Variants in ZFP90 observed in about 807,000 individuals in gnomAD.
The protein encoded by ZFP90 is ZFP90 zinc finger protein, also known as zinc finger protein 90 homolog.
ZFP90 carries 38 observed loss-of-function variants against 60.8 expected under a neutral mutation model. The ratio of observed to expected loss-of-function variants is 0.62; its 90% CI spans 0.48 to 0.82. The LOEUF is 0.82. ZFP90 is among the 40% of genes least tolerant of loss of function. The pLI is 0.00. For missense variants in ZFP90, 711 were observed against 759.1 expected, an observed-to-expected ratio of 0.94 and a Z score of 0.74; for synonymous variants, 287 against 264.8, an observed-to-expected ratio of 1.08 and a Z score of -0.82.
Position 68,564,703 on chromosome 16 carries a change from C to T in ZFP90, c.*5C>T, listed in dbSNP as rs758508434. On this transcript the variant is annotated 3_prime_UTR_variant, in exon 5 of 5. Transcript: ENST00000563169. ...CATACTCGAAATAAACTCTAGGAAC[C>T]GTGAAATTAAGGAATTTGCAGAATG... 1.5e-5 allele frequency: 23 copies of T among 1,584,654 alleles called. No homozygotes were observed. The highest frequency in any genetic ancestry group is 4.1e-5 in the African/African-American group (3 of 73,256).
At chr16:68,556,259 A>G (rs2091342846) in intron 2 of ZFP90, among the ~76,000 whole-genome samples, 1 of 152,188 alleles carries the variant, frequency 6.6e-6, no homozygotes, top group South Asian at 2.1e-4. Flanking sequence ...GATTCTAGAC[A>G]ATCAGCTCTC....
Position 68,563,457 on chromosome 16 carries a change from T to C in ZFP90, c.670T>C (p.Ser224Pro). 7 of 1,614,156 alleles carry C rather than the reference T, an allele frequency of 4.3e-6. No individual in the cohort carries two copies. The highest frequency in any genetic ancestry group is 5.9e-6 in the Non-Finnish European group (7 of 1,180,030). ...DKCRKAFIHRSSLTKHEKTHK... is the reference protein window; with the variant it reads ...DKCRKAFIHRPSLTKHEKTHK... ...ATGTAGAAAAGCCTTTATTCATAGATCATCGCTTACTAAACATGAGAAAAC... is the reference window on the plus strand; with the variant it reads ...ATGTAGAAAAGCCTTTATTCATAGACCATCGCTTACTAAACATGAGAAAAC... Residue 224 changes from serine (S) to proline (P), a missense_variant, in exon 5 of 5, where the codon TCA (serine) becomes CCA (proline). Transcript: ENST00000563169.
At chr16:68,534,182 C>G (rs1414440219) in intron 2 of ZFP90, among the ~76,000 whole-genome samples, 1 of 148,082 alleles carries the variant, frequency 6.8e-6, no homozygotes, top group Non-Finnish European at 1.5e-5. Context: ...TGTGTCTAAT[C>G]TATTATTAAC....
At chr16:68,548,190 C>A (rs916568774) in intron 2 of ZFP90, among the ~76,000 whole-genome samples, 2 of 152,136 alleles carry the variant, frequency 1.3e-5, no homozygotes, top group Admixed American at 6.6e-5. Flanking sequence ...AAAGCACTCT[C>A]TTGGATGGGT....
chr16:68,563,891 T>A lies in ZFP90; in HGVS notation c.1104T>A (p.Cys368Ter). 5 of 1,614,136 alleles carry A rather than the reference T, an allele frequency of 3.1e-6. No individual in the cohort carries two copies. The highest frequency in any genetic ancestry group is 4.2e-6 in the Non-Finnish European group (5 of 1,180,016). ...ACAGTGGAGAGAAGCCCTTCCAGTG[T>A]AAGGAATGTGGGAAAGCCTTTAGTC... ...VTHSGEKPFQCKECGKAFSRC... is the reference protein window; with the variant it reads ...VTHSGEKPFQ Residue 368 changes from cysteine to a stop codon, truncating the protein, a stop_gained, in exon 5 of 5, where the codon TGT becomes TGA. Transcript: ENST00000563169. LOFTEE classifies it high-confidence loss of function.
In ZFP90 at chr16:68,565,135, A is replaced by C. The variant is rs769417401; in HGVS notation, c.*437A>C. 3.6e-5 allele frequency: 36 copies of C among 993,012 alleles called. No individual in the cohort carries two copies. The highest frequency in any genetic ancestry group is 4.3e-5 in the Non-Finnish European group (36 of 834,848). 61.5% of individuals were successfully genotyped at this position (993,012 alleles called of 1,614,324 possible). A position where few individuals can be genotyped will look rare whatever the true frequency, so the allele number is the denominator to read the frequency against. ...TAACTTCACCATGGAAACCAGTTCC[A>C]ACTCCAGGAAGTCACCATTCAAAGA... is the stretch of plus-strand genomic sequence containing the variant. On this transcript the variant is annotated 3_prime_UTR_variant, in exon 5 of 5. Coordinates refer to ENST00000563169, the MANE Select transcript of ZFP90 (RefSeq NM_001305203.2).
chr16:68,557,307 G>C, intron 2 of ZFP90: 1 of 454,630 alleles, frequency 2.2e-6, no homozygotes, highest in Non-Finnish European at 4.4e-6. Flanking sequence ...AACCACCCGC[G>C]TGCCCTGTCG....
chr16:68,545,172 C>T (rs1427685320), intron 2 of ZFP90, among the ~76,000 whole-genome samples: 1 of 151,988 alleles, frequency 6.6e-6, no homozygotes, highest in Non-Finnish European at 1.5e-5. Context: ...AGCCACCGCG[C>T]CCGGCCCATG....
At chr16:68,556,171 A>G (rs191639225) in intron 2 of ZFP90, among the ~76,000 whole-genome samples, 34 of 151,022 alleles carry the variant, frequency 2.3e-4, no homozygotes, top group Admixed American at 5.3e-4. Context: ...TCCTGTCTCC[A>G]AAAAAAAAGC....
At chr16:68,568,135 T>C (rs1366183137), downstream of ZFP90, among the ~76,000 whole-genome samples, 1 of 152,234 alleles carries the variant, frequency 6.6e-6, no homozygotes, top group East Asian at 1.9e-4. Context: ...TGGTTTTCTT[T>C]TTCCTACACT....
chr16:68,557,283 G>A (rs1385565750), intron 2 of ZFP90: 1 of 455,982 alleles, frequency 2.2e-6, no homozygotes, highest in Non-Finnish European at 4.4e-6. Flanking sequence ...CAAAGTGTTA[G>A]GATTACAGGT....
Position 68,564,272 on chromosome 16 carries a change from A to G in ZFP90, c.1485A>G (p.Lys495=). 2.5e-6 allele frequency: 4 copies of G among 1,614,040 alleles called. No homozygotes were observed. Among genetic ancestry groups the G allele is most frequent in the Non-Finnish European group, 3.4e-6 (4 of 1,179,998 alleles). ...SQQAISHPGE[K]PYQCNVCGKA... is the part of the protein sequence containing the mutation. The stretch of plus-strand genomic sequence containing the variant: ...AAGCTATTTCTCATCCTGGAGAGAA[A>G]CCCTATCAATGTAATGTATGTGGGA... The change falls in exon 5 of 5, where the codon AAA becomes AAG. Residue 495 remains lysine, a synonymous_variant. Coordinates refer to ENST00000563169, the MANE Select transcript of ZFP90 (RefSeq NM_001305203.2).
At chr16:68,533,889 T>C (rs2090943298) in intron 2 of ZFP90, 1 of 152,198 alleles carries the variant, frequency 6.6e-6, no homozygotes, top group African/African-American at 2.4e-5. Context: ...ATTTTAAAGA[T>C]CATCTTTGGT....
At chr16:68,556,348 A>C (rs2091344274) in intron 2 of ZFP90, among the ~76,000 whole-genome samples, 1 of 152,188 alleles carries the variant, frequency 6.6e-6, no homozygotes, top group African/African-American at 2.4e-5. Flanking sequence ...ATGGTAGAGG[A>C]AAAAGTGATT....
chr16:68,537,884 G>A (rs1293401367), upstream of ZFP90, among the ~76,000 whole-genome samples: 1 of 151,126 alleles, frequency 6.6e-6, no homozygotes, highest in African/African-American at 2.4e-5. Context: ...TTTGGGACAA[G>A]CCAACAGTGA....
Position 68,566,432 on chromosome 16 carries a change from A to G in ZFP90, c.*1734A>G, listed in dbSNP as rs950636316. 6 of 985,462 alleles carry G rather than the reference A, an allele frequency of 6.1e-6. No individual in the cohort carries two copies. The highest frequency in any genetic ancestry group is 1.7e-5 in the African/African-American group (1 of 57,248). 61.0% of individuals were successfully genotyped at this position (985,462 alleles called of 1,614,324 possible). On this transcript the variant is annotated 3_prime_UTR_variant, in exon 5 of 5. Transcript: ENST00000563169. Reference sequence around the variant, plus strand: ...TCCTACTGGATTCTTTGCATGCCACATAGCAGGATTCATTGCCTTTCTCTC... The same window carrying G: ...TCCTACTGGATTCTTTGCATGCCACGTAGCAGGATTCATTGCCTTTCTCTC...
chr16:68,547,015 T>C (rs548914230), intron 2 of ZFP90, among the ~76,000 whole-genome samples: 1 of 152,358 alleles, frequency 6.6e-6, no homozygotes, highest in East Asian at 1.9e-4. Context: ...TGTTTACATG[T>C]TTAGCTATTG....
At chr16:68,567,286 G>C (rs77844008), downstream of ZFP90, 163 of 526,736 alleles carry the variant, frequency 3.1e-4, 3 homozygotes, top group East Asian at 0.02. Context: ...CATTGTGCTA[G>C]GTGTTTCACA....
chr16:68,557,498 A>G (rs1186056566), intron 2 of ZFP90, among the ~76,000 whole-genome samples: 1 of 152,050 alleles, frequency 6.6e-6, no homozygotes, highest in Non-Finnish European at 1.5e-5. Context: ...ATGGTATTTC[A>G]TAAAACAAGA....
Sources: allele counts gnomAD v4.1 joint callset (sites outside exome capture counted in the v4.1 genomes callset), GRCh38; gene constraint gnomAD v4.1.1; transcripts MANE v1.5; gene names NCBI Gene and HGNC (gene_info 2026-07-23, HGNC 2026-07-21).